Variants in MTCL2 observed in about 807,000 individuals in gnomAD.
The protein encoded by MTCL2 is microtubule cross-linking factor 2.
the MTCL2 span, among the ~76,000 whole-genome samples, chr20:36,840,577 C>T: frequency 1.3e-5 from 2 of 151,284 alleles, no homozygotes; most frequent in Admixed American, 6.6e-5. Context: ...AGGTTGGGCA[C>T]GGTGGCTCAT....
chr20:36,803,175 C>T, the MTCL2 span: 1 of 1,513,906 alleles, frequency 6.6e-7, no homozygotes. Flanking sequence ...CTCTCTCCTT[C>T]CCTCCTGGGT....
chr20:36,777,824 GC>G, the MTCL2 span: 1 of 621,466 alleles, frequency 1.6e-6, no homozygotes, highest in Non-Finnish European at 2.9e-6. Flanking sequence ...AGGAAGGGCA[GC>G]TTCTGGCTCT....
the MTCL2 span, chr20:36,797,534 C>T: frequency 6.4e-7 from 1 of 1,556,658 alleles, no homozygotes. Context: ...TTCTCCAGCT[C>T]CGAGTGCTTC....
the MTCL2 span, among the ~76,000 whole-genome samples, chr20:36,811,163 C>T: frequency 6.6e-6 from 1 of 152,152 alleles, no homozygotes; most frequent in African/African-American, 2.4e-5. Flanking sequence ...ATCTGTTTTG[C>T]ATTAAAAATT....
At chr20:36,785,028 T>C in the MTCL2 span, 1 of 985,420 alleles carries the variant, frequency 1.0e-6, no homozygotes. Flanking sequence ...AGACAGGCAA[T>C]GGAGAACGTC....
At chr20:36,812,898 C>G in the MTCL2 span, 4 of 1,566,900 alleles carry the variant, frequency 2.6e-6, no homozygotes, top group East Asian at 4.7e-5. Flanking sequence ...GGGAGGGGCC[C>G]GAGGGGTGCC....
the MTCL2 span, among the ~76,000 whole-genome samples, chr20:36,850,969 C>A: frequency 6.6e-6 from 1 of 152,082 alleles, no homozygotes; most frequent in Non-Finnish European, 1.5e-5. Flanking sequence ...GTAGGCTACA[C>A]ACTGTATGAG....
At chr20:36,844,460 G>A in the MTCL2 span, among the ~76,000 whole-genome samples, 11 of 151,216 alleles carry the variant, frequency 7.3e-5, no homozygotes, top group South Asian at 2.1e-4. Context: ...CAAATAGGCC[G>A]TGACTTTAAA....
At chr20:36,808,534 G>C in the MTCL2 span, 4 of 1,601,248 alleles carry the variant, frequency 2.5e-6, no homozygotes, top group Non-Finnish European at 3.4e-6. Context: ...CATCCCCTTC[G>C]CTGGGCAAAA....
the MTCL2 span, among the ~76,000 whole-genome samples, chr20:36,796,520 C>G: frequency 6.6e-6 from 1 of 152,172 alleles, no homozygotes; most frequent in Non-Finnish European, 1.5e-5. Context: ...GCTCAATAAT[C>G]CCAGGAATAG....
the MTCL2 span, chr20:36,839,187 A>T: frequency 1.3e-6 from 2 of 1,570,320 alleles, no homozygotes; most frequent in East Asian, 4.5e-5. The surrounding 1 kb of genome is among the most constrained non-coding windows in gnomAD (Gnocchi z 5.1). Flanking sequence ...GTCCCATCCC[A>T]GCAACAAGGG....
the MTCL2 span, chr20:36,804,706 G>A: frequency 6.2e-7 from 1 of 1,606,944 alleles, no homozygotes; most frequent in Admixed American, 1.7e-5. Flanking sequence ...AGAGTAAGGG[G>A]AGAGGCGTCT....
At chr20:36,847,215 C>T in the MTCL2 span, among the ~76,000 whole-genome samples, 1 of 152,216 alleles carries the variant, frequency 6.6e-6, no homozygotes, top group Non-Finnish European at 1.5e-5. Context: ...GGGCTGGATT[C>T]CAAACAAGCC....
the MTCL2 span, among the ~76,000 whole-genome samples, chr20:36,823,806 C>T: frequency 6.6e-6 from 1 of 152,142 alleles, no homozygotes; most frequent in African/African-American, 2.4e-5. Context: ...AGACTCTTGT[C>T]TCCCCCAAAA....
chr20:36,804,557 T>C, the MTCL2 span, among the ~76,000 whole-genome samples: 1 of 152,158 alleles, frequency 6.6e-6, no homozygotes, highest in Non-Finnish European at 1.5e-5. Flanking sequence ...TTCCCCACCG[T>C]TTCTGATACC....
chr20:36,839,157 G>T, the MTCL2 span: 33 of 1,510,960 alleles, frequency 2.2e-5, no homozygotes, highest in Non-Finnish European at 2.8e-5. The surrounding 1 kb of genome is among the most constrained non-coding windows in gnomAD (Gnocchi z 5.1). Context: ...AGGCCAACCT[G>T]GGCCCCACTT....
chr20:36,808,841 G>C, the MTCL2 span: 1 of 1,040,744 alleles, frequency 9.6e-7, no homozygotes. Context: ...AGTCTGGGTG[G>C]TGCCTGTGAG....
chr20:36,792,336 C>T, the MTCL2 span, among the ~76,000 whole-genome samples: 5 of 151,936 alleles, frequency 3.3e-5, no homozygotes, highest in Non-Finnish European at 4.4e-5. Flanking sequence ...GGTGAAACCC[C>T]GTCTCTACTA....
At chr20:36,840,339 T>A in the MTCL2 span, among the ~76,000 whole-genome samples, 11 of 151,428 alleles carry the variant, frequency 7.3e-5, no homozygotes, top group African/African-American at 2.4e-4. Flanking sequence ...TAATTTTTTT[T>A]TTTTATTTTT....
Sources: allele counts gnomAD v4.1 joint callset (sites outside exome capture counted in the v4.1 genomes callset), GRCh38; gene constraint gnomAD v4.1.1; non-coding constraint Gnocchi (gnomAD v3.1); transcripts MANE v1.5; gene names NCBI Gene and HGNC (gene_info 2026-07-23, HGNC 2026-07-21).